The following SH3KBP1 variants were observed in gnomAD, a reference collection of about 807,000 sequenced individuals.
The protein encoded by SH3KBP1 is SH3 domain-containing kinase-binding protein 1.
Under a neutral mutation model 50.1 loss-of-function variants are expected in SH3KBP1, and 8 were observed. That is an observed-to-expected ratio of 0.16 (90% CI 0.09 to 0.29). SH3KBP1 has a LOEUF of 0.29. SH3KBP1 is among the 10% of genes least tolerant of loss of function. The pLI is 1.00. For synonymous variants in SH3KBP1, 227 were observed against 218.6 expected, an observed-to-expected ratio of 1.04 and a Z score of -0.34; for missense variants, 377 against 535.2, an observed-to-expected ratio of 0.70 and a Z score of 2.92.
At chrX:19,760,485 G>A (rs1349244255) in intron 2 of SH3KBP1, among the ~76,000 whole-genome samples, 1 of 109,944 alleles carries the variant, frequency 9.1e-6, no homozygotes, top group African/African-American at 3.3e-5. Context: ...TGGCTATCTA[G>A]AGCTGAAGTT....
At chrX:19,874,086 T>TATATATATATATATATATATATATAA (rs1206834816) in intron 1 of SH3KBP1, among the ~76,000 whole-genome samples, 1 of 86,442 alleles carries the variant, frequency 1.2e-5, no homozygotes, top group African/African-American at 5.1e-5. Flanking sequence ...TATATATATA[T>TATATATATATATATATATATATATAA]AAAACTCTAA....
intron 9 of SH3KBP1, among the ~76,000 whole-genome samples, chrX:19,598,074 T>A (rs1036641293): frequency 1.8e-5 from 2 of 112,005 alleles, no homozygotes; most frequent in African/African-American, 6.5e-5. Context: ...GGCTTCCAAC[T>A]TTTCTTGTGC....
intron 6 of SH3KBP1, among the ~76,000 whole-genome samples, chrX:19,671,987 C>T (rs965073426): frequency 1.8e-5 from 2 of 111,896 alleles, no homozygotes; most frequent in African/African-American, 6.5e-5. Flanking sequence ...CATTTGCTTA[C>T]TATTTATTAA....
intron 2 of SH3KBP1, among the ~76,000 whole-genome samples, chrX:19,811,704 C>T (rs1244509718): frequency 4.5e-5 from 5 of 111,808 alleles, no homozygotes; most frequent in South Asian, 3.7e-4. Flanking sequence ...GCCCCCACTG[C>T]GCCGATACTA....
At chrX:19,749,826 A>G (rs185958177) in intron 2 of SH3KBP1, among the ~76,000 whole-genome samples, 1 of 112,450 alleles carries the variant, frequency 8.9e-6, no homozygotes, top group African/African-American at 3.2e-5. Flanking sequence ...TGTTACATAT[A>G]TTACCACAAT....
At chrX:19,813,681 GACTGGC>G (rs1229686105) in intron 2 of SH3KBP1, among the ~76,000 whole-genome samples, 10 of 110,827 alleles carry the variant, frequency 9.0e-5, no homozygotes, top group African/African-American at 2.6e-4. Flanking sequence ...GGCCAGGACA[GACTGGC>G]ATCACCACCT....
At chrX:19,861,173 G>A (rs1057346229) in intron 1 of SH3KBP1, among the ~76,000 whole-genome samples, 1 of 110,284 alleles carries the variant, frequency 9.1e-6, no homozygotes, top group African/African-American at 3.3e-5. Flanking sequence ...TCAGGAGATC[G>A]AGACCATCCT....
intron 1 of SH3KBP1, among the ~76,000 whole-genome samples, chrX:19,858,340 A>G (rs1475654064): frequency 9.0e-6 from 1 of 110,780 alleles, no homozygotes; most frequent in East Asian, 2.9e-4. Flanking sequence ...ATAAAATCTC[A>G]CCAGGTGCAG....
At chrX:19,744,523 G>A (rs757239947) in intron 3 of SH3KBP1, among the ~76,000 whole-genome samples, 3 of 111,694 alleles carry the variant, frequency 2.7e-5, no homozygotes, top group East Asian at 2.8e-4. Flanking sequence ...GTGAAGCCTC[G>A]GACAGAATGA....
chrX:19,827,509 T>C (rs1340992701), intron 2 of SH3KBP1, among the ~76,000 whole-genome samples: 3 of 111,832 alleles, frequency 2.7e-5, no homozygotes, highest in African/African-American at 9.7e-5. Flanking sequence ...GCCCGAGCTA[T>C]AGTTTCAAGG....
intron 1 of SH3KBP1, among the ~76,000 whole-genome samples, chrX:19,874,048 C>CA (rs55948760): frequency 2.4e-3 from 63 of 26,217 alleles, no homozygotes; most frequent in Non-Finnish European, 2.8e-3. Context: ...GAGTCCATCT[C>CA]AAAAAAAAAA....
At chrX:19,639,997 C>T (rs1325965717) in intron 7 of SH3KBP1, among the ~76,000 whole-genome samples, 2 of 102,633 alleles carry the variant, frequency 1.9e-5, no homozygotes, top group African/African-American at 3.6e-5. Context: ...CCCAGCCATT[C>T]TTGAGGCTGG....
chrX:19,642,534 A>G (rs1225247901), intron 7 of SH3KBP1, among the ~76,000 whole-genome samples: 1 of 111,683 alleles, frequency 9.0e-6, no homozygotes, highest in Non-Finnish European at 1.9e-5. Context: ...TTTCCCCCCA[A>G]CCCACCTGTT....
intron 13 of SH3KBP1, among the ~76,000 whole-genome samples, chrX:19,552,816 G>A (rs758551467): frequency 6.4e-5 from 7 of 110,230 alleles, no homozygotes; most frequent in African/African-American, 2.3e-4. Flanking sequence ...GTGAACATGC[G>A]GCAAAAGCTG....
chrX:19,595,549 T>G (rs1296926754), intron 9 of SH3KBP1, among the ~76,000 whole-genome samples: 1 of 111,281 alleles, frequency 9.0e-6, no homozygotes, highest in Non-Finnish European at 1.9e-5. Flanking sequence ...TGTGATAAAC[T>G]GGAACAGAGA....
intron 2 of SH3KBP1, among the ~76,000 whole-genome samples, chrX:19,820,456 T>A (rs1047705487): frequency 6.3e-5 from 7 of 111,888 alleles, no homozygotes; most frequent in African/African-American, 2.3e-4. Context: ...TTGTGTAATG[T>A]CCTTCTTTGT....
At chrX:19,855,864 G>T in intron 1 of SH3KBP1, among the ~76,000 whole-genome samples, 1 of 110,685 alleles carries the variant, frequency 9.0e-6, no homozygotes, top group East Asian at 2.8e-4. Context: ...GTGCCAGAAA[G>T]GATTTTTTTT....
chrX:19,863,953 G>C (rs1024808352), intron 1 of SH3KBP1, among the ~76,000 whole-genome samples: 1 of 111,289 alleles, frequency 9.0e-6, no homozygotes, highest in African/African-American at 3.3e-5. Flanking sequence ...GGGCAGACTC[G>C]TCTATCATTT....
chrX:19,580,395 C>T (rs1484685346), intron 12 of SH3KBP1, among the ~76,000 whole-genome samples: 1 of 111,506 alleles, frequency 9.0e-6, no homozygotes, highest in Non-Finnish European at 1.9e-5. Flanking sequence ...GCCGCTTGCC[C>T]ATTCTCTCTT....
Sources: gnomAD v4.1 joint callset for allele counts (sites outside exome capture counted in the v4.1 genomes callset) on GRCh38, gnomAD v4.1.1 for gene constraint, MANE v1.5 for transcripts, NCBI Gene and HGNC (gene_info 2026-07-23, HGNC 2026-07-21) for gene names.